The following DNMT3A variants were observed in gnomAD, a reference collection of about 807,000 sequenced individuals.
The protein encoded by DNMT3A is DNA methyltransferase 3 alpha, also known as DNA (cytosine-5)-methyltransferase 3A.
Under a neutral mutation model 117.6 loss-of-function variants are expected in DNMT3A, and 267 were observed. That is an observed-to-expected ratio of 2.27 (90% CI 2.05 to 2.51). The LOEUF (loss-of-function observed/expected upper bound fraction) is 2.51. Ranked by LOEUF, DNMT3A falls within the 30% of genes most tolerant of loss-of-function variation. The pLI is 0.00. For missense variants in DNMT3A, 1,029 were observed against 1,260.2 expected, an observed-to-expected ratio of 0.82 and a Z score of 2.78; for synonymous variants, 432 against 474.8, an observed-to-expected ratio of 0.91 and a Z score of 1.17.
intron 6 of DNMT3A, among the ~76,000 whole-genome samples, chr2:25,250,127 G>C (rs2149318100): frequency 6.6e-6 from 1 of 152,278 alleles, no homozygotes; most frequent in Non-Finnish European, 1.5e-5. Context: ...AAAATCTGGT[G>C]TATATATGGA....
At position 25,246,770 on chromosome 2, in the gene DNMT3A, TG is replaced by T. The variant is rs1674843171; in HGVS notation, c.1128del (p.Ser377AlafsTer30). 1.2e-6 allele frequency: 2 copies of T among 1,613,218 alleles called. No homozygotes were observed. The highest frequency in any genetic ancestry group is 1.7e-6 in the Non-Finnish European group (2 of 1,179,974). ...GGGAACAGCTTCCCCGCGCGGCTGC[TG>T]GCCACCTGGAGGGTGACACGCCAGG... is the stretch of plus-strand genomic sequence containing the variant. ...RKAIYEVLQV[A>X]SSRAGKLFPV... On this transcript the variant is annotated frameshift_variant, in exon 10 of 23. Coordinates refer to ENST00000321117, the MANE Select transcript of DNMT3A (RefSeq NM_022552.5). LOFTEE classifies it high-confidence loss of function.
In DNMT3A at chr2:25,298,788, C is replaced by T. The variant is rs1457514597; in HGVS notation, c.177+1351G>A. ...TTCATTCATTACATATCCACGTTTG[C>T]TTTAATATTAAAAGGTTTAAAATTA... On this transcript the variant is annotated intron_variant, in intron 3 of 22. Transcript: ENST00000321117. The surrounding 1 kb of genome is among the most constrained non-coding windows in gnomAD (Gnocchi z 4.3). 6.6e-6 allele frequency among the ~76,000 whole-genome samples: 1 copy of T among 152,182 alleles called. No individual in the cohort carries two copies. Among genetic ancestry groups the T allele is most frequent in the Non-Finnish European group, 1.5e-5 (1 of 68,022 alleles).
chr2:25,248,354 CAGA>C (rs1675113625), intron 6 of DNMT3A, 102 bp from the exon 7 acceptor site: 1 of 1,349,150 alleles, frequency 7.4e-7, no homozygotes, highest in East Asian at 2.5e-5. Context: ...GGAACAGTGA[CAGA>C]AGGTCAAGGG....
At chr2:25,239,479 C>A (rs1433248148) in intron 19 of DNMT3A, 1 of 600,788 alleles carries the variant, frequency 1.7e-6, no homozygotes, top group Admixed American at 2.2e-5. Flanking sequence ...AATTCAGTGG[C>A]CACTAGCCCA....
Position 25,236,943 on chromosome 2 carries a change from A to G in DNMT3A, c.2471T>C (p.Ile824Thr). Residue 824 changes from isoleucine to threonine, a missense_variant, in exon 21 of 23, where the codon ATA becomes ACA. Physicochemically the swap from Ile to Thr is moderately conservative, Grantham distance 89 (BLOSUM62 -1). Coordinates refer to ENST00000321117, the MANE Select transcript of DNMT3A (RefSeq NM_022552.5). This position sits in a 1 kb window ranked among gnomAD's most constrained non-coding sequence, Gnocchi z 4.5. ...ELQECLEHGR[I>T]AKFSKVRTIT... ...CTAGACGCTGGAGCTGACCTTGGCTATCCTGCCATGCTCCAGACACTCCTG... is the reference window on the plus strand; with the variant it reads ...CTAGACGCTGGAGCTGACCTTGGCTGTCCTGCCATGCTCCAGACACTCCTG... The G allele has an allele frequency of 6.2e-7, 1 of 1,613,162 alleles. No homozygotes were observed. The highest frequency in any genetic ancestry group is 8.5e-7 in the Non-Finnish European group (1 of 1,179,700).
intron 1 of DNMT3A, chr2:25,328,823 C>T (rs12995245): frequency 0.49 from 204,037 of 418,362 alleles, 51,230 homozygotes; most frequent in Middle Eastern, 0.57. Context: ...TGTGGGTCTG[C>T]AGGCTCACCT....
In DNMT3A at chr2:25,282,393, G is replaced by T. The variant is rs778675092; in HGVS notation, c.448+48C>A. 2.5e-6 allele frequency: 4 copies of T among 1,589,898 alleles called. No individual in the cohort carries two copies. In the African/African-American group the frequency reaches 5.4e-5, roughly 21 times the overall value. On this transcript the variant is annotated intron_variant, in intron 4 of 22. Transcript: ENST00000321117. The surrounding 1 kb of genome is among the most constrained non-coding windows in gnomAD (Gnocchi z 5.2). ...GAGAGCCAAGTCCCTGACTCTCAGGGTATGCTGGTGGGCCCAGAAGAGGCT... is the reference window on the plus strand; with the variant it reads ...GAGAGCCAAGTCCCTGACTCTCAGGTTATGCTGGTGGGCCCAGAAGAGGCT...
chr2:25,320,795 C>T (rs752134831), intron 1 of DNMT3A, among the ~76,000 whole-genome samples: 1 of 152,100 alleles, frequency 6.6e-6, no homozygotes, highest in Non-Finnish European at 1.5e-5. Context: ...TGTATGTACA[C>T]ACAAATTACT....
chr2:25,247,394 G>T lies in DNMT3A; in HGVS notation c.1014+197C>A. The T allele has an allele frequency of 1.1e-6, 1 of 917,766 alleles. No homozygotes were observed. The highest frequency in any genetic ancestry group is 1.6e-6 in the Non-Finnish European group (1 of 621,382). The allele number at this position is 917,766 out of a possible 1,614,324, so 56.9% of individuals were successfully genotyped here. A position where few individuals can be genotyped will look rare whatever the true frequency, so the allele number is the denominator to read the frequency against. ...ATAGGTTCCTGGAAGGCTAAAACTGGGCCAGCATCCTAGCTCTCTGAGCCA... is the reference window on the plus strand; with the variant it reads ...ATAGGTTCCTGGAAGGCTAAAACTGTGCCAGCATCCTAGCTCTCTGAGCCA... On this transcript the variant is annotated intron_variant, in intron 8 of 22. Coordinates refer to ENST00000321117, the MANE Select transcript of DNMT3A (RefSeq NM_022552.5). The surrounding 1 kb of genome is among the most constrained non-coding windows in gnomAD (Gnocchi z 5.6).
In DNMT3A at chr2:25,298,641, C is replaced by T. The variant is rs2033237259; in HGVS notation, c.177+1498G>A. ...TCCCACACCTTCTCCATTAAGGTGC[C>T]CTGTGGGCAGAGGAGGGTGCAGGGG... is the stretch of plus-strand genomic sequence containing the variant. On this transcript the variant is annotated intron_variant, in intron 3 of 22. Coordinates refer to ENST00000321117, the MANE Select transcript of DNMT3A (RefSeq NM_022552.5). The surrounding 1 kb of genome is among the most constrained non-coding windows in gnomAD (Gnocchi z 4.3). Among the ~76,000 whole-genome samples, 1 of 152,128 alleles carries T rather than the reference C, an allele frequency of 6.6e-6. No individual in the cohort carries two copies. The highest frequency in any genetic ancestry group is 2.1e-4 in the South Asian group (1 of 4,810).
At position 25,321,296 on chromosome 2, in the gene DNMT3A, A is replaced by C. The variant is rs115343880; in HGVS notation, c.-177-7135T>G. ...TTTTCAACATCTAGAGGCTGCCCTCATTCCTTGCCACGTGGTCCCCTTCCA... is the reference window on the plus strand; with the variant it reads ...TTTTCAACATCTAGAGGCTGCCCTCCTTCCTTGCCACGTGGTCCCCTTCCA... On this transcript the variant is annotated intron_variant, in intron 1 of 22. Transcript: ENST00000321117. Among the ~76,000 whole-genome samples the C allele has an allele frequency of 2.2e-3, 339 of 152,296 alleles. 1 individual carries two copies. The highest frequency in any genetic ancestry group is 7.8e-3 in the African/African-American group (326 of 41,562).
chr2:25,289,137 C>G (rs1161667781), intron 3 of DNMT3A, among the ~76,000 whole-genome samples: 3 of 151,076 alleles, frequency 2.0e-5, no homozygotes, highest in Non-Finnish European at 2.9e-5. Flanking sequence ...CCGAGTCTCG[C>G]TCTGTTGCCC....
chr2:25,277,762 A>G (rs1573409462), intron 4 of DNMT3A, among the ~76,000 whole-genome samples: 1 of 152,148 alleles, frequency 6.6e-6, no homozygotes, highest in Non-Finnish European at 1.5e-5. Flanking sequence ...CAGAAAGCTG[A>G]GACCTGGGGG....
rs1183198167 is a variant in DNMT3A, at chr2:25,241,585, C to T, written c.2059G>A (p.Val687Ile). 1.2e-6 allele frequency: 2 copies of T among 1,613,854 alleles called. No individual in the cohort carries two copies. Among genetic ancestry groups the T allele is most frequent in the South Asian group, 1.1e-5 (1 of 91,054 alleles). Residue 687 changes from valine (V) to isoleucine (I), a missense_variant, in exon 17 of 23, where the codon GTC (valine) becomes ATC (isoleucine). Transcript: ENST00000321117. The part of the protein sequence containing the change: ...HQGKIMYVGD[V>I]RSVTQKHIQE... ...ACATGCTTCTGTGTGACGCTGCGGA[C>T]GTCCCCGACGTACATGATCTTCCCC...
At chr2:25,314,907 G>A (rs1573483889) in intron 1 of DNMT3A, among the ~76,000 whole-genome samples, 1 of 152,346 alleles carries the variant, frequency 6.6e-6, no homozygotes, top group Non-Finnish European at 1.5e-5. Context: ...CTCTGCTCCA[G>A]GTGTAGGCCT....
chr2:25,274,301 C>T (rs1276289554), intron 6 of DNMT3A, among the ~76,000 whole-genome samples: 1 of 152,226 alleles, frequency 6.6e-6, no homozygotes. Context: ...TCCACTGCTG[C>T]CTCTCAAATC....
Position 25,293,532 on chromosome 2 carries a change from C to T in DNMT3A, c.177+6607G>A, listed in dbSNP as rs1467232232. The stretch of plus-strand genomic sequence containing the variant: ...TGAGACAGGGTTTTGCTCTGTCACC[C>T]AGCTGGAGTGCAGTGACACAATTAT... On this transcript the variant is annotated intron_variant, in intron 3 of 22. Transcript: ENST00000321117. This position sits in a 1 kb window ranked among gnomAD's most constrained non-coding sequence, Gnocchi z 4.7. Among the ~76,000 whole-genome samples, 1 of 152,150 alleles carries T rather than the reference C, an allele frequency of 6.6e-6. No individual in the cohort carries two copies. Among genetic ancestry groups the T allele is most frequent in the Admixed American group, 6.6e-5 (1 of 15,266 alleles).
At chr2:25,275,438 C>T (rs1558698541) in intron 5 of DNMT3A, 62 bp downstream of exon 5, 14 of 1,518,956 alleles carry the variant, frequency 9.2e-6, no homozygotes, top group East Asian at 7.3e-5. Context: ...CACACACACT[C>T]GCCACCCGTG....
At position 25,282,588 on chromosome 2, in the gene DNMT3A, G is replaced by T; in HGVS notation, c.301C>A (p.Pro101Thr). ...CCCCCAGCAGGGCTCCCCTCCTCTGGCTGGGGCTCACTCCGCTTCTCCAAG... is the reference window on the plus strand; with the variant it reads ...CCCCCAGCAGGGCTCCCCTCCTCTGTCTGGGGCTCACTCCGCTTCTCCAAG... ...GDLEKRSEPQ[P>T]EEGSPAGGQK... The change falls in exon 4 of 23, where the codon CCA becomes ACA. Residue 101 changes from proline to threonine, a missense_variant. Physicochemically the swap from Pro to Thr is conservative, Grantham distance 38. Transcript: ENST00000321117. This position sits in a 1 kb window ranked among gnomAD's most constrained non-coding sequence, Gnocchi z 5.2. The T allele has an allele frequency of 6.2e-7, 1 of 1,613,584 alleles. No homozygotes were observed. The highest frequency in any genetic ancestry group is 8.5e-7 in the Non-Finnish European group (1 of 1,180,012).
Sources: gnomAD v4.1 joint callset for allele counts (sites outside exome capture counted in the v4.1 genomes callset) on GRCh38, gnomAD v4.1.1 for gene constraint, Gnocchi (gnomAD v3.1) non-coding constraint, MANE v1.5 for transcripts, NCBI Gene and HGNC (gene_info 2026-07-23, HGNC 2026-07-21) for gene names.